The following ATP1A1 variants were observed in gnomAD, a reference collection of about 807,000 sequenced individuals.
ATP1A1 encodes the protein sodium/potassium-transporting ATPase subunit alpha-1.
ATP1A1 carries 14 observed loss-of-function variants against 114.8 expected under a neutral mutation model. The observed-to-expected ratio is 0.12, with a 90% CI of 0.08 to 0.19. The LOEUF is 0.19. Ranked by LOEUF, ATP1A1 falls within the 10% of genes least tolerant of loss-of-function variation. ATP1A1 has a pLI of 1.00. For synonymous variants in ATP1A1, 471 were observed against 466.3 expected, an observed-to-expected ratio of 1.01 and a Z score of -0.13; for missense variants, 524 against 1,290.7, an observed-to-expected ratio of 0.41 and a Z score of 9.10.
chr1:116,400,838 A>G (rs1653410790), intron 18 of ATP1A1, 23 bp from the exon 19 acceptor site: 1 of 1,612,408 alleles, frequency 6.2e-7, no homozygotes, highest in Non-Finnish European at 8.5e-7. Flanking sequence ...GGTTCTAGTA[A>G]TTGGGTTGTT....
intron 1 of ATP1A1, among the ~76,000 whole-genome samples, chr1:116,377,138 TAAAAAC>T (rs1191484948): frequency 6.6e-6 from 1 of 152,232 alleles, no homozygotes. Context: ...TTTCTTCACT[TAAAAAC>T]AAACAGGTTT....
intron 1 of ATP1A1, among the ~76,000 whole-genome samples, chr1:116,382,115 G>T (rs566495673): frequency 6.6e-6 from 1 of 152,318 alleles, no homozygotes; most frequent in African/African-American, 2.4e-5. Context: ...GGAGGTTGCA[G>T]TGAGCTTAGA....
At chr1:116,380,700 G>A (rs575568875) in intron 1 of ATP1A1, among the ~76,000 whole-genome samples, 1 of 152,308 alleles carries the variant, frequency 6.6e-6, no homozygotes, top group Admixed American at 6.5e-5. Context: ...AGTGAACCTT[G>A]TTACATGTTT....
chr1:116,390,961 TAGC>T, intron 10 of ATP1A1, 70 bp downstream of exon 10: 2 of 1,357,436 alleles, frequency 1.5e-6, no homozygotes, highest in Non-Finnish European at 2.1e-6. Context: ...GTGTTAAAAG[TAGC>T]AAATTACCTT....
intron 1 of ATP1A1, chr1:116,374,074 C>G (rs1038306384): frequency 3.5e-5 from 50 of 1,414,984 alleles, no homozygotes; most frequent in Admixed American, 8.6e-5. Context: ...CGGGGGCAGC[C>G]TCCGGGTTCG....
At chr1:116,383,319 A>T in intron 1 of ATP1A1, 1 of 1,074,388 alleles carries the variant, frequency 9.3e-7, no homozygotes, top group South Asian at 2.3e-5. Flanking sequence ...TTAATATGGG[A>T]AGCTGGTAAA....
At chr1:116,396,765 T>C in intron 14 of ATP1A1, 31 bp downstream of exon 14, 1 of 1,535,790 alleles carries the variant, frequency 6.5e-7, no homozygotes, top group Non-Finnish European at 8.8e-7. Flanking sequence ...CACAGTCTGC[T>C]GTGAACAAGC....
At position 116,398,704 on chromosome 1, in the gene ATP1A1, T is replaced by C; in HGVS notation, c.2208T>C (p.Ile736=). 6.2e-7 allele frequency: 1 copy of C among 1,614,186 alleles called. No individual in the cohort carries two copies. The change falls in exon 16 of 23, where the codon ATT becomes ATC. Residue 736 remains isoleucine, a synonymous_variant. Transcript: ENST00000295598. The surrounding 1 kb of genome is among the most constrained non-coding windows in gnomAD (Gnocchi z 6.1). The stretch of plus-strand genomic sequence containing the variant: ...CAGACATTGGGGTTGCTATGGGGAT[T>C]GCTGGCTCAGATGTGTCCAAGCAAG... The part of the protein sequence containing the change: ...KKADIGVAMG[I]AGSDVSKQAA...
At chr1:116,386,565 G>C (rs1253813123) in intron 3 of ATP1A1, among the ~76,000 whole-genome samples, 5 of 151,260 alleles carry the variant, frequency 3.3e-5, no homozygotes, top group African/African-American at 4.9e-5. Flanking sequence ...TTTTTGACTT[G>C]TTATTTTGAG....
At chr1:116,376,557 C>G (rs1205043137) in intron 1 of ATP1A1, among the ~76,000 whole-genome samples, 2 of 152,180 alleles carry the variant, frequency 1.3e-5, no homozygotes, top group South Asian at 4.1e-4. Flanking sequence ...AGTTGTTCAG[C>G]GTGTAACAGT....
In ATP1A1 at chr1:116,390,924, A is replaced by C. The variant is rs778860311; in HGVS notation, c.1332+33A>C. ...CAAGAGTTAACTAATGGAGGGATGT[A>C]GACAGCACATGAGAACTGCCATTTG... On this transcript the variant is annotated intron_variant, in intron 10 of 22. Transcript: ENST00000295598. 26 of 1,567,022 alleles carry C rather than the reference A, an allele frequency of 1.7e-5. No individual in the cohort carries two copies. The African/African-American group carries it at 3.1e-4, about 19-fold the overall frequency.
Position 116,393,000 on chromosome 1 carries a change from G to A in ATP1A1, c.1467+12G>A, listed in dbSNP as rs1166944957. 7 of 1,613,838 alleles carry A rather than the reference G, an allele frequency of 4.3e-6. No individual in the cohort carries two copies. The highest frequency in any genetic ancestry group is 2.2e-5 in the East Asian group (1 of 44,880). ...CCAACAAGTACCAGGTCTGAAGATC[G>A]ATGGGTACACGGAGGGCGAGGGCAA... is the stretch of plus-strand genomic sequence containing the variant. On this transcript the variant is annotated intron_variant, in intron 11 of 22. Transcript: ENST00000295598.
At chr1:116,377,483 C>CA (rs1651450277) in intron 1 of ATP1A1, among the ~76,000 whole-genome samples, 1 of 152,224 alleles carries the variant, frequency 6.6e-6, no homozygotes, top group African/African-American at 2.4e-5. Flanking sequence ...ATAGGAAAGT[C>CA]AAGTAGAGGT....
chr1:116,379,791 C>T (rs1204400365), intron 1 of ATP1A1, among the ~76,000 whole-genome samples: 10 of 152,174 alleles, frequency 6.6e-5, no homozygotes, highest in Non-Finnish European at 1.3e-4. Flanking sequence ...AATAATGTAT[C>T]GACCAGGAAA....
Position 116,397,806 on chromosome 1 carries a change from T to A in ATP1A1, c.1974-82T>A. 1 of 1,497,050 alleles carries A rather than the reference T, an allele frequency of 6.7e-7. No homozygotes were observed. Among genetic ancestry groups the A allele is most frequent in the Non-Finnish European group, 9.0e-7 (1 of 1,110,524 alleles). 92.7% of individuals were successfully genotyped at this position (1,497,050 alleles called of 1,614,324 possible). On this transcript the variant is annotated intron_variant, in intron 14 of 22. Transcript: ENST00000295598. This position sits in a 1 kb window ranked among gnomAD's most constrained non-coding sequence, Gnocchi z 4.2. Reference sequence around the variant, plus strand: ...TGTTTTGTTTACAAAGTGATCTGCATAAGAATATCCCCTCTTGAGGTGATG... The same window carrying A: ...TGTTTTGTTTACAAAGTGATCTGCAAAAGAATATCCCCTCTTGAGGTGATG...
Position 116,388,533 on chromosome 1 carries a change from T to A in ATP1A1, c.502-105T>A. 1 of 1,424,628 alleles carries A rather than the reference T, an allele frequency of 7.0e-7. No homozygotes were observed. Among genetic ancestry groups the A allele is most frequent in the Non-Finnish European group, 9.5e-7 (1 of 1,050,664 alleles). The allele number at this position is 1,424,628 out of a possible 1,614,324, so 88.2% of individuals were successfully genotyped here. On this transcript the variant is annotated intron_variant, in intron 5 of 22. Transcript: ENST00000295598. This position sits in a 1 kb window ranked among gnomAD's most constrained non-coding sequence, Gnocchi z 5.6. ...ATAAAAAAGTGAATAATATCTTTGT[T>A]TTGTATTCAGGTAATTAGGATTATG...
Position 116,389,339 on chromosome 1 carries a change from C to G in ATP1A1, c.755-100C>G, listed in dbSNP as rs2101045138. 3.3e-6 allele frequency: 5 copies of G among 1,493,154 alleles called. No individual in the cohort carries two copies. The highest frequency in any genetic ancestry group is 2.2e-4 in the Middle Eastern group (1 of 4,466). The allele number at this position is 1,493,154 out of a possible 1,614,324, so 92.5% of individuals were successfully genotyped here. ...CCCTTAAAAAGTGCTTTTATCAACT[C>G]TTTTTGTTTTTTTAGTCATCCTATG... On this transcript the variant is annotated intron_variant, in intron 7 of 22. Coordinates refer to ENST00000295598, the MANE Select transcript of ATP1A1 (RefSeq NM_000701.8). This position sits in a 1 kb window ranked among gnomAD's most constrained non-coding sequence, Gnocchi z 6.9.
chr1:116,397,818 C>A lies in ATP1A1; in HGVS notation c.1974-70C>A. The A allele has an allele frequency of 6.5e-7, 1 of 1,540,476 alleles. No homozygotes were observed. Among genetic ancestry groups the A allele is most frequent in the South Asian group, 1.2e-5 (1 of 83,410 alleles). ...AAAGTGATCTGCATAAGAATATCCC[C>A]TCTTGAGGTGATGGACACATGCTGG... On this transcript the variant is annotated intron_variant, in intron 14 of 22. Transcript: ENST00000295598. This position sits in a 1 kb window ranked among gnomAD's most constrained non-coding sequence, Gnocchi z 4.2.
chr1:116,381,441 A>G lies in ATP1A1; in HGVS notation c.13-2573A>G, dbSNP rs1360157996. On this transcript the variant is annotated intron_variant, in intron 1 of 22. Coordinates refer to ENST00000295598, the MANE Select transcript of ATP1A1 (RefSeq NM_000701.8). This position sits in a 1 kb window ranked among gnomAD's most constrained non-coding sequence, Gnocchi z 5.1. ...TACTTGTGGAGAAGAACTAAATTGT[A>G]TAAGCTGCCTGGTTCTTCTAGACAC... 1.3e-5 allele frequency among the ~76,000 whole-genome samples: 2 copies of G among 152,242 alleles called. No individual in the cohort carries two copies. The highest frequency in any genetic ancestry group is 1.3e-4 in the Admixed American group (2 of 15,290).
Sources: gnomAD v4.1 joint callset for allele counts (sites outside exome capture counted in the v4.1 genomes callset) on GRCh38, gnomAD v4.1.1 for gene constraint, Gnocchi (gnomAD v3.1) non-coding constraint, MANE v1.5 for transcripts, NCBI Gene and HGNC (gene_info 2026-07-23, HGNC 2026-07-21) for gene names.